SBNO2: variants seen among roughly 807,000 people sequenced by gnomAD.
SBNO2 encodes the protein protein strawberry notch homolog 2.
Under a neutral mutation model 146.3 loss-of-function variants are expected in SBNO2, and 89 were observed. That is an observed-to-expected ratio of 0.61 (90% CI 0.51 to 0.73). The LOEUF is 0.73. Ranked by LOEUF, SBNO2 falls within the 30% of genes least tolerant of loss-of-function variation. SBNO2 has a pLI of 0.00. For synonymous variants in SBNO2, 1,147 were observed against 892.6 expected, an observed-to-expected ratio of 1.29 and a Z score of -5.08; for missense variants, 2,092 against 2,003.7, an observed-to-expected ratio of 1.04 and a Z score of -0.84.
rs1441422605 is a variant in SBNO2, at chr19:1,111,046, G to A, written c.2857C>T (p.Arg953Trp). ...LSVGIGGRES[R>W]NGCLDVEKDC... ...TTCTCCACGTCCAGGCAGCCATTCC[G>A]GGACTCCCGGCCACCAATGCCCACA... is the stretch of plus-strand genomic sequence containing the variant. The change falls in exon 25 of 32, where the codon CGG becomes TGG. Residue 953 changes from arginine to tryptophan, a missense_variant. Physicochemically the swap from Arg to Trp is moderately radical, Grantham distance 101 (BLOSUM62 -3). Coordinates refer to ENST00000361757, the MANE Select transcript of SBNO2 (RefSeq NM_014963.3). The A allele has an allele frequency of 5.1e-6, 8 of 1,570,268 alleles. No homozygotes were observed. The highest frequency in any genetic ancestry group is 1.2e-5 in the South Asian group (1 of 86,184).
At chr19:1,119,250 G>A in intron 13 of SBNO2, 86 bp from the exon 14 acceptor site, 3 of 1,477,488 alleles carry the variant, frequency 2.0e-6, no homozygotes, top group East Asian at 2.5e-5. Flanking sequence ...CAGTCGCAGA[G>A]AGGGCGGGGT....
At chr19:1,156,459 C>T (rs1282238387) in intron 1 of SBNO2, among the ~76,000 whole-genome samples, 8 of 152,128 alleles carry the variant, frequency 5.3e-5, no homozygotes, top group East Asian at 3.8e-4. Flanking sequence ...TCCTCACACA[C>T]GGCTGCTTGG....
At chr19:1,114,139 C>G (rs889470390) in intron 18 of SBNO2, 92 bp downstream of exon 18, 2 of 1,201,508 alleles carry the variant, frequency 1.7e-6, no homozygotes, top group African/African-American at 1.6e-5. Flanking sequence ...GCCGGGGGAG[C>G]CTCAGGCTGG....
At chr19:1,166,004 CCT>C (rs2080416450) in intron 1 of SBNO2, among the ~76,000 whole-genome samples, 2 of 88,264 alleles carry the variant, frequency 2.3e-5, no homozygotes, top group Non-Finnish European at 5.1e-5. Flanking sequence ...GACCCCAGAT[CCT>C]AGATCCCAGA....
chr19:1,151,756 G>A (rs62131227), intron 2 of SBNO2, among the ~76,000 whole-genome samples: 2,043 of 152,250 alleles, frequency 0.013, 24 homozygotes, highest in Middle Eastern at 0.041. Context: ...TCCACCTCCC[G>A]AGTTCAAGCG....
intron 1 of SBNO2, chr19:1,169,281 G>C (rs1271433597): frequency 1.3e-5 from 2 of 152,282 alleles, no homozygotes; most frequent in Non-Finnish European, 2.9e-5. Context: ...GGGTTGTCCA[G>C]GGCAAGAGGC....
chr19:1,149,241 GCA>G, intron 3 of SBNO2, 126 bp downstream of exon 3: 1 of 824,702 alleles, frequency 1.2e-6, no homozygotes. Flanking sequence ...AGGACCACGT[GCA>G]CACCACCCTC....
chr19:1,125,229 G>T (rs1465046063), intron 5 of SBNO2, among the ~76,000 whole-genome samples: 1 of 151,488 alleles, frequency 6.6e-6, no homozygotes, highest in East Asian at 1.9e-4. Flanking sequence ...TGTGGTGGTG[G>T]GCGCCTGTAA....
In SBNO2 at chr19:1,109,842, G is replaced by A. The variant is rs1599819849; in HGVS notation, c.3029-65C>T. On this transcript the variant is annotated intron_variant, in intron 26 of 31. Transcript: ENST00000361757. This position sits in a 1 kb window ranked among gnomAD's most constrained non-coding sequence, Gnocchi z 4.2. ...GGACTGTGGGCTGGGGCCAGGGTCA[G>A]TCCCGTAGCCGGGGCGCACCCTAGA... is the stretch of plus-strand genomic sequence containing the variant. The A allele has an allele frequency of 7.8e-7, 1 of 1,287,192 alleles. No individual in the cohort carries two copies. Among genetic ancestry groups the A allele is most frequent in the African/African-American group, 1.5e-5 (1 of 67,634 alleles). 79.7% of individuals were successfully genotyped at this position (1,287,192 alleles called of 1,614,324 possible).
chr19:1,120,205 G>A (rs1008426605), intron 11 of SBNO2, 182 bp from the exon 12 acceptor site: 8 of 595,496 alleles, frequency 1.3e-5, no homozygotes, highest in African/African-American at 3.7e-5. Flanking sequence ...GCGGGCAGGC[G>A]GCCCCCACAC....
chr19:1,131,787 GC>G (rs1168082695), intron 4 of SBNO2, among the ~76,000 whole-genome samples: 1 of 152,196 alleles, frequency 6.6e-6, no homozygotes, highest in Non-Finnish European at 1.5e-5. Context: ...GTCACTGAGG[GC>G]CCCCGTCCGG....
intron 16 of SBNO2, among the ~76,000 whole-genome samples, chr19:1,116,597 C>A (rs1341235467): frequency 6.6e-6 from 1 of 152,140 alleles, no homozygotes; most frequent in Non-Finnish European, 1.5e-5. Context: ...CCCCTGGAGA[C>A]CATGTCCCAA....
chr19:1,113,067 G>A (rs1382614664), intron 19 of SBNO2, 118 bp from the exon 20 acceptor site: 81 of 1,228,454 alleles, frequency 6.6e-5, no homozygotes, highest in Non-Finnish European at 8.8e-5. Context: ...GCTGTGCACG[G>A]GAGGTGGGGG....
At position 1,119,822 on chromosome 19, in the gene SBNO2, C is replaced by T. The variant is rs1024807573; in HGVS notation, c.1267+84G>A. On this transcript the variant is annotated intron_variant, in intron 12 of 31. Coordinates refer to ENST00000361757, the MANE Select transcript of SBNO2 (RefSeq NM_014963.3). ...GCAGGGTGCAGACGGAGGCTGAGTA[C>T]GCGTGTGGGATACCCCTTCGCGGGG... is the stretch of plus-strand genomic sequence containing the variant. 6.1e-5 allele frequency: 68 copies of T among 1,109,744 alleles called. 1 individual carries two copies. The highest frequency in any genetic ancestry group is 9.4e-5 in the South Asian group (7 of 74,142). 68.7% of individuals were successfully genotyped at this position (1,109,744 alleles called of 1,614,324 possible).
chr19:1,162,748 G>A (rs1045170556), intron 1 of SBNO2, among the ~76,000 whole-genome samples: 16 of 152,208 alleles, frequency 1.1e-4, no homozygotes, highest in Non-Finnish European at 8.8e-5. Flanking sequence ...GACACACAGA[G>A]AAACGGAGAC....
Position 1,153,765 on chromosome 19 carries a change from G to A in SBNO2, c.93+419C>T, listed in dbSNP as rs1378245210. Among the ~76,000 whole-genome samples the A allele has an allele frequency of 3.3e-5, 5 of 152,114 alleles. No individual in the cohort carries two copies. The South Asian group carries it at 8.3e-4, about 25-fold the overall frequency. ...GTTGGCCAGGCTGGTCTTGAACTCG[G>A]GACCTCAGGTGATCTGCCCACCTCC... On this transcript the variant is annotated intron_variant, in intron 2 of 31. Coordinates refer to ENST00000361757, the MANE Select transcript of SBNO2 (RefSeq NM_014963.3).
At position 1,122,902 on chromosome 19, in the gene SBNO2, C is replaced by T. The variant is rs554006726; in HGVS notation, c.772G>A (p.Ala258Thr). Reference sequence around the variant, plus strand: ...TGGGGACATGCGGTCACCTGGCAGGCGTAGGTGATGGCCTCTAGCTGCAGG... The same window carrying T: ...TGGGGACATGCGGTCACCTGGCAGGTGTAGGTGATGGCCTCTAGCTGCAGG... ...SALQLEAITY[A>T]CQQHEVLLPS... Residue 258 changes from alanine (A) to threonine (T), a missense_variant, in exon 8 of 32, where the codon GCC becomes ACC. By Grantham distance (58) the Ala-to-Thr change is moderately conservative (BLOSUM62 0). Coordinates refer to ENST00000361757, the MANE Select transcript of SBNO2 (RefSeq NM_014963.3). 1.5e-5 allele frequency: 23 copies of T among 1,548,420 alleles called. No homozygotes were observed. The highest frequency in any genetic ancestry group is 5.5e-5 in the African/African-American group (4 of 73,280).
intron 2 of SBNO2, among the ~76,000 whole-genome samples, chr19:1,152,992 G>C (rs1278945647): frequency 1.3e-5 from 2 of 151,788 alleles, no homozygotes; most frequent in Non-Finnish European, 2.9e-5. Context: ...ATCTCTACGA[G>C]AAAATTTTAA....
Position 1,141,873 on chromosome 19 carries a change from T to G in SBNO2, c.279+5436A>C, listed in dbSNP as rs575708888. On this transcript the variant is annotated intron_variant, in intron 4 of 31. Coordinates refer to ENST00000361757, the MANE Select transcript of SBNO2 (RefSeq NM_014963.3). ...CCTGGGCTCAAACAATCCTCCCGCC[T>G]TGGCCTCCCAAAGTGCTGGGATCAC... Among the ~76,000 whole-genome samples, 27 of 152,220 alleles carry G rather than the reference T, an allele frequency of 1.8e-4. No homozygotes were observed. The South Asian group carries it at 4.8e-3, about 27-fold the overall frequency.
Sources: gnomAD v4.1 joint callset for allele counts (sites outside exome capture counted in the v4.1 genomes callset) on GRCh38, gnomAD v4.1.1 for gene constraint, Gnocchi (gnomAD v3.1) non-coding constraint, MANE v1.5 for transcripts, NCBI Gene and HGNC (gene_info 2026-07-23, HGNC 2026-07-21) for gene names.